Variants in NUDT13 observed in about 807,000 individuals in gnomAD.
NUDT13 encodes NAD(P)H pyrophosphatase NUDT13, mitochondrial.
A neutral mutation model predicts 41.7 loss-of-function variants in NUDT13; 40 were observed. The ratio of observed to expected loss-of-function variants is 0.96; its 90% CI spans 0.75 to 1.25. The LOEUF (loss-of-function observed/expected upper bound fraction) is 1.25. Among genes scored for constraint, NUDT13 ranks in the 50% most tolerant of loss-of-function variants. The pLI is 0.00. For missense variants in NUDT13, 390 were observed against 416.1 expected (o/e 0.94, Z 0.55); for synonymous variants, 145 against 155.5 (o/e 0.93, Z 0.50).
chr10:73,124,675 A>G (rs2133223456), intron 5 of NUDT13: 1 of 211,210 alleles, frequency 4.7e-6, no homozygotes, highest in Admixed American at 5.5e-5. Flanking sequence ...ACTTGCCCTC[A>G]CAGCTTTAGA....
chr10:73,120,627 C>T (rs1017806514), intron 3 of NUDT13, among the ~76,000 whole-genome samples: 1 of 152,100 alleles, frequency 6.6e-6, no homozygotes, highest in Non-Finnish European at 1.5e-5. Context: ...CACAGAGGTA[C>T]ACAGTTATGC....
At chr10:73,114,321 T>A in intron 1 of NUDT13, 36 bp from the exon 2 acceptor site, 1 of 1,074,374 alleles carries the variant, frequency 9.3e-7, no homozygotes, top group East Asian at 2.4e-5. Context: ...TTTCATATTA[T>A]GACTTTTTTT....
intron 7 of NUDT13, 110 bp downstream of exon 7, chr10:73,125,619 CT>C: frequency 4.1e-6 from 2 of 492,910 alleles, no homozygotes; most frequent in South Asian, 9.0e-5. Flanking sequence ...ACATTCTTTT[CT>C]ATCATGTCAA....
At chr10:73,122,379 A>C (rs756820029) in intron 4 of NUDT13, 70 bp downstream of exon 4, 28 of 1,438,674 alleles carry the variant, frequency 1.9e-5, no homozygotes, top group Non-Finnish European at 2.5e-5. Context: ...ATAATGGTAA[A>C]ATTTAAAGGA....
chr10:73,125,264 A>C (rs1190574040), intron 6 of NUDT13, 21 bp downstream of exon 6: 4 of 1,606,618 alleles, frequency 2.5e-6, no homozygotes, highest in Non-Finnish European at 3.4e-6. Flanking sequence ...CTGTAAGAGG[A>C]CAGTAATCCA....
intron 4 of NUDT13, among the ~76,000 whole-genome samples, chr10:73,123,586 G>A (rs1366380506): frequency 6.6e-6 from 1 of 152,142 alleles, no homozygotes; most frequent in African/African-American, 2.4e-5. Context: ...AGAGATTGCT[G>A]GGCCTCACTC....
At position 73,120,119 on chromosome 10, in the gene NUDT13, C is replaced by T. The variant is rs1371214306; in HGVS notation, c.185C>T (p.Ser62Leu). 6.2e-7 allele frequency: 1 copy of T among 1,614,202 alleles called. No individual in the cohort carries two copies. Among genetic ancestry groups the T allele is most frequent in the Non-Finnish European group, 8.5e-7 (1 of 1,180,022 alleles). The change falls in exon 3 of 9, where the codon TCA becomes TTA. Residue 62 changes from serine (S) to leucine (L), a missense_variant. By Grantham distance (145) the Ser-to-Leu change is moderately radical. Coordinates refer to ENST00000357321, the MANE Select transcript of NUDT13 (RefSeq NM_015901.6). ...FHSLAPLLQT[S>L]AHQYLAPRHS... is the part of the protein sequence containing the mutation. ...AGTCTGGCTCCTCTGCTTCAGACTT[C>T]AGCACATCAATACCTGGCCCCCCGG...
At chr10:73,126,468 T>A (rs903235375) in intron 7 of NUDT13, among the ~76,000 whole-genome samples, 4 of 152,184 alleles carry the variant, frequency 2.6e-5, no homozygotes, top group Admixed American at 2.0e-4. Context: ...CACACTTACT[T>A]TAGACCTAGC....
intron 6 of NUDT13, 36 bp downstream of exon 6, chr10:73,125,279 G>T: frequency 1.2e-6 from 2 of 1,605,322 alleles, no homozygotes; most frequent in South Asian, 2.2e-5. Flanking sequence ...AATCCAAGAA[G>T]ACTGTGCGCT....
At chr10:73,124,790 T>C (rs766379131) in intron 5 of NUDT13, 10 of 222,630 alleles carry the variant, frequency 4.5e-5, no homozygotes, top group Non-Finnish European at 6.1e-5. Flanking sequence ...GAAGAACATT[T>C]TGGGGTGTTC....
intron 4 of NUDT13, among the ~76,000 whole-genome samples, chr10:73,123,921 A>T (rs1048376375): frequency 2.0e-5 from 3 of 152,132 alleles, no homozygotes; most frequent in Admixed American, 2.0e-4. Context: ...GGCCTCCCAA[A>T]GTGCCGTACC....
At position 73,119,891 on chromosome 10, in the gene NUDT13, G is replaced by C. The variant is rs548694421; in HGVS notation, c.84-127G>C. The C allele has an allele frequency of 6.9e-4, 700 of 1,012,008 alleles. 1 individual carries two copies. Among genetic ancestry groups the C allele is most frequent in the Non-Finnish European group, 9.6e-4 (651 of 680,110 alleles). The allele number at this position is 1,012,008 out of a possible 1,614,324, so 62.7% of individuals were successfully genotyped here. A position where few individuals can be genotyped will look rare whatever the true frequency, so the allele number is the denominator to read the frequency against. On this transcript the variant is annotated intron_variant, in intron 2 of 8. Transcript: ENST00000357321. ...CTCAAACCCTTTTTGGAGCAAATTA[G>C]GTTGTAAATAAATAAAGGGAAATAA...
intron 1 of NUDT13, among the ~76,000 whole-genome samples, chr10:73,110,869 T>G (rs1191768670): frequency 1.3e-5 from 2 of 152,112 alleles, no homozygotes; most frequent in Non-Finnish European, 2.9e-5. Context: ...GGAAAATTAT[T>G]TTTTAGAAAG....
At position 73,125,245 on chromosome 10, in the gene NUDT13, T is replaced by C. The variant is rs779492005; in HGVS notation, c.591+2T>C. 7 of 1,608,196 alleles carry C rather than the reference T, an allele frequency of 4.4e-6. No individual in the cohort carries two copies. Among genetic ancestry groups the C allele is most frequent in the Non-Finnish European group, 5.1e-6 (6 of 1,177,636 alleles). ...AATAATATAATCTATTATCCACAGG[T>C]AATTATTGCTGTAAGAGGACAGTAA... On this transcript the variant is annotated splice_donor_variant, in intron 6 of 8. Transcript: ENST00000357321. LOFTEE classifies it high-confidence loss of function.
intron 7 of NUDT13, chr10:73,126,213 T>C (rs990763359): frequency 2.2e-5 from 5 of 231,360 alleles, no homozygotes; most frequent in Admixed American, 4.0e-5. Context: ...ACCCCTAGAT[T>C]CCATGAATTT....
chr10:73,116,515 G>C (rs746306207), intron 2 of NUDT13, among the ~76,000 whole-genome samples: 1 of 152,054 alleles, frequency 6.6e-6, no homozygotes, highest in Non-Finnish European at 1.5e-5. Context: ...AAGCCAAGGC[G>C]GGCAGATCAC....
At chr10:73,121,131 T>C (rs541550841) in intron 3 of NUDT13, among the ~76,000 whole-genome samples, 5 of 152,052 alleles carry the variant, frequency 3.3e-5, no homozygotes, top group Non-Finnish European at 5.9e-5. Flanking sequence ...CCCAGCACTT[T>C]GGGAGGCTGA....
chr10:73,129,555 G>T (rs1589671257), intron 8 of NUDT13, among the ~76,000 whole-genome samples: 1 of 151,712 alleles, frequency 6.6e-6, no homozygotes, highest in African/African-American at 2.4e-5. Flanking sequence ...TTTGCCTATT[G>T]TATGTTTTGG....
At chr10:73,122,453 C>T in intron 4 of NUDT13, 144 bp downstream of exon 4, 2 of 737,308 alleles carry the variant, frequency 2.7e-6, no homozygotes, top group Non-Finnish European at 2.2e-6. Context: ...TAAAAAGTGT[C>T]ATCTGCTATC....
Sources: gnomAD v4.1 joint callset for allele counts (sites outside exome capture counted in the v4.1 genomes callset) on GRCh38, gnomAD v4.1.1 for gene constraint, MANE v1.5 for transcripts, NCBI Gene and HGNC (gene_info 2026-07-23, HGNC 2026-07-21) for gene names.